Variants in IL1RAPL1 observed in about 807,000 individuals in gnomAD.
The protein encoded by IL1RAPL1 is interleukin 1 receptor accessory protein like 1.
A neutral mutation model predicts 48.4 loss-of-function variants in IL1RAPL1; 3 were observed. That is an observed-to-expected ratio of 0.06 (90% CI 0.03 to 0.16). IL1RAPL1 has a LOEUF of 0.16. Among genes scored for constraint, IL1RAPL1 ranks in the 10% least tolerant of loss-of-function variants. The pLI is 1.00. For synonymous variants in IL1RAPL1, 185 were observed against 187.7 expected (o/e 0.99, Z 0.12); for missense variants, 349 against 530.6 (o/e 0.66, Z 3.36).
intron 2 of IL1RAPL1, among the ~76,000 whole-genome samples, chrX:28,979,102 G>A (rs760080791): frequency 2.7e-5 from 3 of 111,765 alleles, no homozygotes; most frequent in Non-Finnish European, 5.6e-5. Context: ...GAGTCAAAAA[G>A]TTCAGTGAAT....
intron 2 of IL1RAPL1, among the ~76,000 whole-genome samples, chrX:29,179,068 T>G (rs1448802189): frequency 9.0e-6 from 1 of 111,711 alleles, no homozygotes; most frequent in Non-Finnish European, 1.9e-5. Flanking sequence ...AGGATTGTCT[T>G]GGCAATGCTG....
intron 5 of IL1RAPL1, among the ~76,000 whole-genome samples, chrX:29,407,035 A>G (rs780279622): frequency 1.7e-4 from 19 of 111,860 alleles, no homozygotes; most frequent in Non-Finnish European, 3.2e-4. Context: ...TTAGTGAGAG[A>G]TTTTTATCCT....
chrX:29,274,002 G>GA (rs1362358045), intron 2 of IL1RAPL1, among the ~76,000 whole-genome samples: 5 of 110,583 alleles, frequency 4.5e-5, no homozygotes, highest in Middle Eastern at 4.7e-3. Flanking sequence ...AATACAGCTG[G>GA]AAAAAAAACA....
intron 2 of IL1RAPL1, among the ~76,000 whole-genome samples, chrX:29,053,715 T>A (rs1352731851): frequency 8.9e-6 from 1 of 112,084 alleles, no homozygotes; most frequent in African/African-American, 3.2e-5. Flanking sequence ...TACATTTAAG[T>A]CTTTAATCCA....
chrX:29,430,670 TGATA>T (rs1365739406), intron 5 of IL1RAPL1, among the ~76,000 whole-genome samples: 4 of 110,280 alleles, frequency 3.6e-5, no homozygotes, highest in South Asian at 3.8e-4. Flanking sequence ...ATAAATTACA[TGATA>T]GATATATAAA....
At chrX:28,644,352 C>G (rs1391462116) in intron 1 of IL1RAPL1, among the ~76,000 whole-genome samples, 1 of 111,660 alleles carries the variant, frequency 9.0e-6, no homozygotes, top group Non-Finnish European at 1.9e-5. Context: ...AACCAGCTAG[C>G]CTACATCTCA....
intron 2 of IL1RAPL1, among the ~76,000 whole-genome samples, chrX:28,957,723 AGGC>A (rs2147359732): frequency 9.1e-6 from 1 of 109,615 alleles, no homozygotes; most frequent in East Asian, 2.9e-4. Context: ...GCACTTTGGG[AGGC>A]CGAGGGGGGT....
intron 5 of IL1RAPL1, among the ~76,000 whole-genome samples, chrX:29,533,525 G>T (rs1459950224): frequency 8.9e-6 from 1 of 112,088 alleles, no homozygotes; most frequent in East Asian, 2.8e-4. Flanking sequence ...AATTGTTTCT[G>T]CTTTGAGCTA....
intron 2 of IL1RAPL1, among the ~76,000 whole-genome samples, chrX:28,971,728 G>T (rs1260220639): frequency 9.0e-6 from 1 of 111,454 alleles, no homozygotes; most frequent in Non-Finnish European, 1.9e-5. Context: ...GAGTGTGTGT[G>T]TTCAAGAGGA....
At chrX:29,953,340 T>C (rs1177708947) in intron 9 of IL1RAPL1, among the ~76,000 whole-genome samples, 1 of 111,864 alleles carries the variant, frequency 8.9e-6, no homozygotes, top group African/African-American at 3.2e-5. Flanking sequence ...AAAAGGAAAT[T>C]GACCAAAGAA....
chrX:28,602,143 A>G (rs1347316530), intron 1 of IL1RAPL1, among the ~76,000 whole-genome samples: 4 of 109,643 alleles, frequency 3.6e-5, no homozygotes, highest in African/African-American at 1.3e-4. Context: ...TGGTATTTTT[A>G]AAAGACCAAG....
At chrX:28,860,531 C>T (rs1921915959) in intron 2 of IL1RAPL1, among the ~76,000 whole-genome samples, 1 of 106,136 alleles carries the variant, frequency 9.4e-6, no homozygotes, top group Non-Finnish European at 1.9e-5. Context: ...AATCTGGGCT[C>T]ACTGCAACCT....
intron 3 of IL1RAPL1, among the ~76,000 whole-genome samples, chrX:29,376,076 A>G (rs1419370066): frequency 1.8e-5 from 2 of 110,713 alleles, no homozygotes. Flanking sequence ...CTCTAGTTTT[A>G]GTTATTTATT....
chrX:29,546,057 G>A (rs1466685362), intron 5 of IL1RAPL1, among the ~76,000 whole-genome samples: 12 of 111,573 alleles, frequency 1.1e-4, no homozygotes, highest in Non-Finnish European at 2.1e-4. Context: ...TACTGGTAGT[G>A]GGTAAAGGCC....
At chrX:29,630,832 C>G (rs769368259) in intron 5 of IL1RAPL1, among the ~76,000 whole-genome samples, 1 of 112,217 alleles carries the variant, frequency 8.9e-6, no homozygotes, top group African/African-American at 3.2e-5. Context: ...GCCACCGCGC[C>G]CAGCCCTCTC....
chrX:28,732,238 G>T (rs1935764037), intron 1 of IL1RAPL1, among the ~76,000 whole-genome samples: 1 of 112,160 alleles, frequency 8.9e-6, no homozygotes, highest in African/African-American at 3.2e-5. Context: ...GTAGTCATGT[G>T]CAATAACATT....
intron 5 of IL1RAPL1, among the ~76,000 whole-genome samples, chrX:29,512,532 T>C (rs1454264364): frequency 9.0e-6 from 1 of 111,679 alleles, no homozygotes; most frequent in Non-Finnish European, 1.9e-5. Flanking sequence ...AATATTTTTT[T>C]AGGTGTGTTG....
intron 1 of IL1RAPL1, among the ~76,000 whole-genome samples, chrX:28,611,042 G>C (rs1404228926): frequency 1.8e-5 from 2 of 111,427 alleles, no homozygotes; most frequent in Non-Finnish European, 3.8e-5. Context: ...TGTTAGTTCA[G>C]AATGTTACTG....
chrX:29,101,544 A>C (rs777029708), intron 2 of IL1RAPL1, among the ~76,000 whole-genome samples: 2 of 112,071 alleles, frequency 1.8e-5, no homozygotes, highest in Non-Finnish European at 3.8e-5. Context: ...ACAAAGACAC[A>C]TCAAAAAAAG....
Sources: gnomAD v4.1 joint callset for allele counts (sites outside exome capture counted in the v4.1 genomes callset) on GRCh38, gnomAD v4.1.1 for gene constraint, MANE v1.5 for transcripts, NCBI Gene and HGNC (gene_info 2026-07-23, HGNC 2026-07-21) for gene names.